SLC35A3: variants seen among roughly 807,000 people sequenced by gnomAD.
SLC35A3 encodes the protein UDP-N-acetylglucosamine transporter.
SLC35A3 carries 26 observed loss-of-function variants against 39.0 expected under a neutral mutation model. That is an observed-to-expected ratio of 0.67 (90% CI 0.49 to 0.92). SLC35A3 has a LOEUF of 0.92. Ranked by LOEUF, SLC35A3 falls within the 40% of genes least tolerant of loss-of-function variation. SLC35A3 has a pLI of 0.00. For missense variants in SLC35A3, 299 were observed against 371.6 expected (o/e 0.80, Z 1.61); for synonymous variants, 135 against 133.1 (o/e 1.01, Z -0.10).
At chr1:99,976,644 A>T (rs1307385649) in intron 1 of SLC35A3, among the ~76,000 whole-genome samples, 1 of 152,226 alleles carries the variant, frequency 6.6e-6, no homozygotes. Flanking sequence ...ACATGAGACT[A>T]TGGCCTTTGC....
intron 3 of SLC35A3, among the ~76,000 whole-genome samples, chr1:100,001,040 G>A (rs1658754869): frequency 6.6e-6 from 1 of 151,998 alleles, no homozygotes; most frequent in African/African-American, 2.4e-5. Flanking sequence ...GTATTTTGGG[G>A]TTCTCTATTT....
At chr1:99,995,223 G>C (rs983980462) in intron 2 of SLC35A3, among the ~76,000 whole-genome samples, 6 of 149,768 alleles carry the variant, frequency 4.0e-5, no homozygotes. Flanking sequence ...CATGATCTTG[G>C]CTCACTGTAA....
chr1:99,971,933 T>C (rs1656837534), intron 1 of SLC35A3, among the ~76,000 whole-genome samples: 1 of 152,190 alleles, frequency 6.6e-6, no homozygotes, highest in African/African-American at 2.4e-5. Flanking sequence ...GTTTTGCTCT[T>C]GTTGCCCAGG....
intron 5 of SLC35A3, among the ~76,000 whole-genome samples, chr1:100,014,457 A>G (rs1659913104): frequency 6.6e-6 from 1 of 152,136 alleles, no homozygotes; most frequent in South Asian, 2.1e-4. Context: ...CCTGGGGTCA[A>G]ATGATTCTCC....
At chr1:100,004,465 C>A (rs1659056071) in intron 3 of SLC35A3, among the ~76,000 whole-genome samples, 1 of 152,078 alleles carries the variant, frequency 6.6e-6, no homozygotes, top group South Asian at 2.1e-4. Flanking sequence ...CCATGCCTGG[C>A]TAACTTTCAT....
chr1:100,016,558 A>G (rs1429984122), intron 6 of SLC35A3, among the ~76,000 whole-genome samples: 1 of 149,208 alleles, frequency 6.7e-6, no homozygotes, highest in African/African-American at 2.5e-5. Context: ...TATTTTTAGT[A>G]GAGACGGGGT....
At position 100,017,809 on chromosome 1, in the gene SLC35A3, C is replaced by A; in HGVS notation, c.881C>A (p.Pro294Gln). The change falls in exon 7 of 8, where the codon CCA becomes CAA. Residue 294 changes from proline to glutamine, a missense_variant. Transcript: ENST00000533028. Reference protein sequence around the residue: ...ISYFWLQDFVPTSVFFLGAIL... With the variant: ...ISYFWLQDFVQTSVFFLGAIL... ...TATTTTTGGCTTCAAGATTTTGTGC[C>A]AACCAGGTAAAATGTTCTTTTCTAT... The A allele has an allele frequency of 6.4e-7, 1 of 1,555,788 alleles. No homozygotes were observed. The highest frequency in any genetic ancestry group is 8.7e-7 in the Non-Finnish European group (1 of 1,154,498).
chr1:100,022,516 T>C lies in SLC35A3; in HGVS notation c.*40T>C. On this transcript the variant is annotated 3_prime_UTR_variant, in exon 8 of 8. Coordinates refer to ENST00000533028, the MANE Select transcript of SLC35A3 (RefSeq NM_012243.3). ...TAACTGGTTTTTCACGATGGGGCAC[T>C]AGGAATCTCGACATTAATCTTGCAC... 1 of 1,057,068 alleles carries C rather than the reference T, an allele frequency of 9.5e-7. No homozygotes were observed. Among genetic ancestry groups the C allele is most frequent in the Non-Finnish European group, 1.4e-6 (1 of 690,576 alleles). The allele number at this position is 1,057,068 out of a possible 1,614,324, so 65.5% of individuals were successfully genotyped here.
intron 5 of SLC35A3, among the ~76,000 whole-genome samples, chr1:100,014,995 A>G (rs1659961594): frequency 1.3e-5 from 2 of 151,964 alleles, no homozygotes; most frequent in South Asian, 4.2e-4. Flanking sequence ...CGTCTCTACT[A>G]AAAATACAAA....
At chr1:99,970,830 T>G (rs1293156366) in intron 1 of SLC35A3, among the ~76,000 whole-genome samples, 1 of 152,250 alleles carries the variant, frequency 6.6e-6, no homozygotes, top group Non-Finnish European at 1.5e-5. Context: ...AAGATGAAAT[T>G]TGGTGCAGTT....
intron 3 of SLC35A3, among the ~76,000 whole-genome samples, chr1:100,003,025 A>T (rs1017565724): frequency 6.6e-6 from 1 of 151,806 alleles, no homozygotes; most frequent in East Asian, 1.9e-4. Context: ...TAATTTGTTG[A>T]TGTAGGCATT....
Position 100,029,163 on chromosome 1 carries a change from C to A in SLC35A3, c.*6687C>A. 6.6e-6 allele frequency: 1 copy of A among 152,246 alleles called. No homozygotes were observed. Among genetic ancestry groups the A allele is most frequent in the Non-Finnish European group, 1.5e-5 (1 of 68,028 alleles). 9.4% of individuals were successfully genotyped at this position (152,246 alleles called of 1,614,324 possible). A position where few individuals can be genotyped will look rare whatever the true frequency, so the allele number is the denominator to read the frequency against. ...TCCTCTCTTTCCAACATCTGCCCCT[C>A]CCTGGAGATCTGGTTGACATCAAGA... On this transcript the variant is annotated 3_prime_UTR_variant, in exon 8 of 8. Transcript: ENST00000533028.
chr1:100,003,302 G>T (rs577503297), intron 3 of SLC35A3, among the ~76,000 whole-genome samples: 1 of 151,502 alleles, frequency 6.6e-6, no homozygotes, highest in East Asian at 2.0e-4. Flanking sequence ...TGTAATCTCA[G>T]CTACTCAGGA....
chr1:100,016,375 A>ATT (rs35656354), intron 6 of SLC35A3, among the ~76,000 whole-genome samples: 12 of 81,176 alleles, frequency 1.5e-4, no homozygotes, highest in East Asian at 4.5e-4. Flanking sequence ...GGATACTTCT[A>ATT]TTTTTTTTTT....
rs916299874 is a variant in SLC35A3 at position 99,990,104 on chromosome 1, G to A, written c.-18-3433G>A. ...CAGTTTATCCATTTTTTTCATTTAT[G>A]GTTTGTGCTTTTTGTATCCTAAGAA... On this transcript the variant is annotated intron_variant, in intron 1 of 7. Transcript: ENST00000533028. 2.6e-5 allele frequency among the ~76,000 whole-genome samples: 4 copies of A among 151,910 alleles called. No individual in the cohort carries two copies. The East Asian group carries it at 7.7e-4, about 29-fold the overall frequency.
At chr1:100,017,417 A>T (rs1660228005) in intron 6 of SLC35A3, among the ~76,000 whole-genome samples, 1 of 152,178 alleles carries the variant, frequency 6.6e-6, no homozygotes, top group African/African-American at 2.4e-5. Context: ...AATGATAGAC[A>T]TTTTATTTGT....
rs1660664471 is a variant in SLC35A3, at chr1:100,023,118, T to C, written c.*642T>C. On this transcript the variant is annotated 3_prime_UTR_variant, in exon 8 of 8. Transcript: ENST00000533028. Reference sequence around the variant, plus strand: ...TAGAGATACATACTATTTCTCCATATGAATTTTAAGATATTTTAGTGCTTC... The same window carrying C: ...TAGAGATACATACTATTTCTCCATACGAATTTTAAGATATTTTAGTGCTTC... 6.6e-6 allele frequency: 1 copy of C among 152,194 alleles called. No individual in the cohort carries two copies. The highest frequency in any genetic ancestry group is 1.9e-4 in the East Asian group (1 of 5,204). The allele number at this position is 152,194 out of a possible 1,614,324, so 9.4% of individuals were successfully genotyped here.
chr1:100,011,885 A>AT (rs1659686299), intron 5 of SLC35A3, among the ~76,000 whole-genome samples: 1 of 151,402 alleles, frequency 6.6e-6, no homozygotes, highest in African/African-American at 2.4e-5. Context: ...CGCCCGGCTA[A>AT]TTTTTTGTAT....
chr1:100,002,710 G>T (rs1658892930), intron 3 of SLC35A3, among the ~76,000 whole-genome samples: 1 of 152,040 alleles, frequency 6.6e-6, no homozygotes, highest in African/African-American at 2.4e-5. Context: ...TCAACCTCCT[G>T]GGCTCAAGAA....
Sources: gnomAD v4.1 joint callset for allele counts (sites outside exome capture counted in the v4.1 genomes callset) on GRCh38, gnomAD v4.1.1 for gene constraint, MANE v1.5 for transcripts, NCBI Gene and HGNC (gene_info 2026-07-23, HGNC 2026-07-21) for gene names.